TCF7L1: variants seen among roughly 807,000 people sequenced by gnomAD.
TCF7L1 encodes transcription factor 7-like 1.
In TCF7L1, 18 loss-of-function variants were observed where a neutral mutation model predicts 63.7. That is an observed-to-expected ratio of 0.28 (90% CI 0.20 to 0.42). The LOEUF is 0.42. Among genes scored for constraint, TCF7L1 ranks in the 10% least tolerant of loss-of-function variants. The probability of loss-of-function intolerance (pLI) is 1.00; values close to 1 mark genes in which losing one functional copy is unlikely to be tolerated. For synonymous variants in TCF7L1, 355 were observed against 340.9 expected, an observed-to-expected ratio of 1.04 and a Z score of -0.46; for missense variants, 654 against 779.3, an observed-to-expected ratio of 0.84 and a Z score of 1.91.
At chr2:85,189,587 G>A (rs980945462) in intron 3 of TCF7L1, among the ~76,000 whole-genome samples, 5 of 152,208 alleles carry the variant, frequency 3.3e-5, no homozygotes, top group African/African-American at 4.8e-5. Context: ...TACAGTTGGC[G>A]GCCAGAGGAT....
At chr2:85,234,155 G>A (rs1247923170) in intron 3 of TCF7L1, among the ~76,000 whole-genome samples, 4 of 67,490 alleles carry the variant, frequency 5.9e-5, no homozygotes, top group East Asian at 4.2e-4. Context: ...TTTTTTTTTC[G>A]AGATGGAGCC....
At chr2:85,303,652 C>G (rs1333460016) in intron 5 of TCF7L1, 1 of 394,768 alleles carries the variant, frequency 2.5e-6, no homozygotes, top group Non-Finnish European at 4.5e-6. Context: ...CTGGAAGATA[C>G]TCTTCACAGA....
At chr2:85,193,186 C>G (rs1028124784) in intron 3 of TCF7L1, among the ~76,000 whole-genome samples, 1 of 152,116 alleles carries the variant, frequency 6.6e-6, no homozygotes, top group African/African-American at 2.4e-5. Context: ...CTTTTATTCT[C>G]GTGGGTGATG....
intron 3 of TCF7L1, among the ~76,000 whole-genome samples, chr2:85,197,648 T>C (rs191786491): frequency 2.6e-5 from 4 of 152,384 alleles, no homozygotes; most frequent in African/African-American, 9.6e-5. Context: ...TATTAGCTGA[T>C]GTGGCTGATA....
Position 85,154,593 on chromosome 2 carries a change from C to G in TCF7L1, c.441+20143C>G, listed in dbSNP as rs112436143. On this transcript the variant is annotated intron_variant, in intron 3 of 11. Coordinates refer to ENST00000282111, the MANE Select transcript of TCF7L1 (RefSeq NM_031283.3). ...CACCTCATACTTCCCTGCCTCCCAGCCTTAGATGTGGTTTCCCTGCTGTAA... is the reference window on the plus strand; with the variant it reads ...CACCTCATACTTCCCTGCCTCCCAGGCTTAGATGTGGTTTCCCTGCTGTAA... 3.8e-4 allele frequency among the ~76,000 whole-genome samples: 58 copies of G among 152,312 alleles called. 1 individual carries two copies. Among genetic ancestry groups the G allele is most frequent in the African/African-American group, 1.4e-3 (57 of 41,574 alleles).
chr2:85,227,738 A>G (rs72840168), intron 3 of TCF7L1, among the ~76,000 whole-genome samples: 9,576 of 152,132 alleles, frequency 0.063, 453 homozygotes, highest in African/African-American at 0.13. Context: ...GCTCACACCT[A>G]TAATCCCAAC....
intron 3 of TCF7L1, among the ~76,000 whole-genome samples, chr2:85,192,427 G>T (rs557961054): frequency 6.6e-6 from 1 of 151,994 alleles, no homozygotes; most frequent in African/African-American, 2.4e-5. Context: ...ACAGAGTCCC[G>T]ATCTGTTGCC....
rs144926378 is a variant in TCF7L1, at chr2:85,173,677, G to A, written c.441+39227G>A. 3.1e-3 allele frequency among the ~76,000 whole-genome samples: 469 copies of A among 152,184 alleles called. 1 individual carries two copies. Among genetic ancestry groups the A allele is most frequent in the African/African-American group, 0.011 (448 of 41,518 alleles). On this transcript the variant is annotated intron_variant, in intron 3 of 11. Coordinates refer to ENST00000282111, the MANE Select transcript of TCF7L1 (RefSeq NM_031283.3). ...AGTTGGAACTATAGGCACATACTAC[G>A]GTGCCTGGTTTAAGCCAGTTTTTAA...
At chr2:85,227,992 CAAAAAAAAAAA>C (rs34769307) in intron 3 of TCF7L1, among the ~76,000 whole-genome samples, 10 of 79,526 alleles carry the variant, frequency 1.3e-4, no homozygotes, top group Non-Finnish European at 2.5e-4. Context: ...ACCCTGTCTC[CAAAAAAAAAAA>C]AAAAAAAAAA....
rs1207281763 is a variant in TCF7L1 at position 85,218,337 on chromosome 2, A to G, written c.442-65158A>G. Among the ~76,000 whole-genome samples the G allele has an allele frequency of 4.6e-5, 7 of 152,108 alleles. No homozygotes were observed. In the East Asian group the frequency reaches 1.4e-3, roughly 29 times the overall value. ...AGTGGCACGATCTTGGCTCACTGCA[A>G]TTCCGCCTCCTGGGCTCAAGCAATC... On this transcript the variant is annotated intron_variant, in intron 3 of 11. Coordinates refer to ENST00000282111, the MANE Select transcript of TCF7L1 (RefSeq NM_031283.3).
intron 3 of TCF7L1, among the ~76,000 whole-genome samples, chr2:85,279,946 T>C (rs933485121): frequency 3.3e-5 from 5 of 152,212 alleles, no homozygotes; most frequent in African/African-American, 1.2e-4. Context: ...CCAAGACTTC[T>C]TGTTACATAG....
chr2:85,283,271 C>CCGG (rs1553406735), intron 3 of TCF7L1, among the ~76,000 whole-genome samples: 9 of 150,000 alleles, frequency 6.0e-5, no homozygotes, highest in Non-Finnish European at 1.3e-4. Context: ...CGTGTCCCCC[C>CCGG]CCCCAAAATG....
intron 3 of TCF7L1, among the ~76,000 whole-genome samples, chr2:85,194,637 G>T (rs185842967): frequency 6.6e-6 from 1 of 152,176 alleles, no homozygotes; most frequent in Non-Finnish European, 1.5e-5. Flanking sequence ...GTCTAGAATT[G>T]TGTGCCCCCA....
intron 3 of TCF7L1, among the ~76,000 whole-genome samples, chr2:85,213,953 G>A (rs1018843795): frequency 1.3e-5 from 2 of 152,224 alleles, no homozygotes; most frequent in African/African-American, 4.8e-5. Context: ...ACTGTGCATG[G>A]ATGGGGGGCT....
intron 3 of TCF7L1, among the ~76,000 whole-genome samples, chr2:85,153,726 A>G (rs1202363887): frequency 6.6e-6 from 1 of 152,204 alleles, no homozygotes; most frequent in Admixed American, 6.5e-5. Context: ...TTTCTAGAAT[A>G]CATATTCTTA....
chr2:85,301,952 C>T (rs992254260), intron 4 of TCF7L1, among the ~76,000 whole-genome samples: 2 of 152,006 alleles, frequency 1.3e-5, no homozygotes, highest in Non-Finnish European at 2.9e-5. Context: ...ATGGTGAAAC[C>T]CTATCTGTAC....
At chr2:85,155,803 C>T (rs1485373271) in intron 3 of TCF7L1, among the ~76,000 whole-genome samples, 3 of 151,974 alleles carry the variant, frequency 2.0e-5, no homozygotes, top group Admixed American at 2.0e-4. Flanking sequence ...CCACCAGGCC[C>T]GTCTGCACCC....
At chr2:85,282,789 A>G (rs1178112411) in intron 3 of TCF7L1, among the ~76,000 whole-genome samples, 2 of 120,552 alleles carry the variant, frequency 1.7e-5, no homozygotes, top group African/African-American at 6.2e-5. Context: ...AGAGAGAGAG[A>G]GAGATTGTGT....
At chr2:85,170,893 G>T (rs1678531081) in intron 3 of TCF7L1, among the ~76,000 whole-genome samples, 1 of 152,202 alleles carries the variant, frequency 6.6e-6, no homozygotes, top group Non-Finnish European at 1.5e-5. Context: ...CCTGCCTAGG[G>T]ACATCTTGGA....
Sources: allele counts gnomAD v4.1 joint callset (sites outside exome capture counted in the v4.1 genomes callset), GRCh38; gene constraint gnomAD v4.1.1; transcripts MANE v1.5; gene names NCBI Gene and HGNC (gene_info 2026-07-23, HGNC 2026-07-21).